MRTFB: variants seen among roughly 807,000 people sequenced by gnomAD.
MRTFB encodes the protein myocardin-related transcription factor B.
A neutral mutation model predicts 104.2 loss-of-function variants in MRTFB; 29 were observed. That is an observed-to-expected ratio of 0.28 (90% confidence interval 0.21 to 0.38). MRTFB has a LOEUF of 0.38. Among genes scored for constraint, MRTFB ranks in the 10% least tolerant of loss-of-function variants. The pLI is 1.00. For missense variants in MRTFB, 1,270 were observed against 1,341.6 expected, an observed-to-expected ratio of 0.95 and a Z score of 0.83; for synonymous variants, 535 against 519.5, an observed-to-expected ratio of 1.03 and a Z score of -0.41.
At chr16:14,160,250 C>T (rs1393208057) in intron 3 of MRTFB, among the ~76,000 whole-genome samples, 1 of 151,910 alleles carries the variant, frequency 6.6e-6, no homozygotes, top group African/African-American at 2.4e-5. Flanking sequence ...TTTTTCATGA[C>T]TTGCCATTTT....
the MRTFB span, among the ~76,000 whole-genome samples, chr16:14,051,737 G>A: frequency 3.4e-3 from 520 of 152,270 alleles, no homozygotes; most frequent in African/African-American, 0.012. Flanking sequence ...GACTTCACAA[G>A]GTTCAGGGGC....
At chr16:14,222,490 ATTC>A (rs1254483797) in intron 8 of MRTFB, among the ~76,000 whole-genome samples, 5 of 151,762 alleles carry the variant, frequency 3.3e-5, no homozygotes, top group Non-Finnish European at 5.9e-5. Flanking sequence ...GCCCAAAACA[ATTC>A]TTCTTCCAGT....
At chr16:14,249,178 C>G in intron 13 of MRTFB, 97 bp downstream of exon 13, 2 of 1,375,448 alleles carry the variant, frequency 1.5e-6, no homozygotes, top group Non-Finnish European at 9.8e-7. Context: ...TGGGAAGTTC[C>G]TGTTCATTCT....
intron 8 of MRTFB, among the ~76,000 whole-genome samples, chr16:14,229,229 G>C (rs1305394058): frequency 6.6e-6 from 1 of 152,086 alleles, no homozygotes; most frequent in East Asian, 1.9e-4. Flanking sequence ...AAAGTGAAAT[G>C]CTTAAACTTA....
chr16:14,010,887 T>C, the MRTFB span, among the ~76,000 whole-genome samples: 4 of 152,260 alleles, frequency 2.6e-5, no homozygotes, highest in African/African-American at 9.6e-5. Flanking sequence ...GTTACCGTAT[T>C]GGATAGCACA....
intron 2 of MRTFB, among the ~76,000 whole-genome samples, chr16:14,080,356 TA>T (rs2141857589): frequency 6.6e-6 from 1 of 152,358 alleles, no homozygotes; most frequent in East Asian, 1.9e-4. Context: ...TTTATTTATT[TA>T]TTTTAAATAG....
the MRTFB span, among the ~76,000 whole-genome samples, chr16:14,022,532 G>A: frequency 6.6e-6 from 1 of 152,208 alleles, no homozygotes; most frequent in African/African-American, 2.4e-5. Context: ...GAGCAGCTGG[G>A]ACTACAGGCG....
chr16:14,209,683 T>C (rs764120258), intron 3 of MRTFB, among the ~76,000 whole-genome samples: 4 of 152,296 alleles, frequency 2.6e-5, no homozygotes, highest in Non-Finnish European at 4.4e-5. Flanking sequence ...TTAGAACTTA[T>C]AGAGTGAGAT....
chr16:14,119,308 G>A (rs2036714742), intron 2 of MRTFB, among the ~76,000 whole-genome samples: 1 of 152,280 alleles, frequency 6.6e-6, no homozygotes, highest in Non-Finnish European at 1.5e-5. Flanking sequence ...TTTGGCAGTT[G>A]GCTGCCTCTG....
chr16:14,259,355 G>C (rs1001500808), intron 16 of MRTFB, among the ~76,000 whole-genome samples: 7 of 152,090 alleles, frequency 4.6e-5, no homozygotes, highest in African/African-American at 1.7e-4. Context: ...ACACAATCAA[G>C]CTATTTTCTA....
chr16:14,187,232 T>C (rs530563178), intron 3 of MRTFB, among the ~76,000 whole-genome samples: 7 of 152,210 alleles, frequency 4.6e-5, no homozygotes, highest in Non-Finnish European at 7.3e-5. Flanking sequence ...CTGATGGAAC[T>C]GTAGGGCTTT....
intron 15 of MRTFB, 124 bp downstream of exon 15, chr16:14,252,626 C>A: frequency 8.5e-7 from 1 of 1,175,964 alleles, no homozygotes; most frequent in Non-Finnish European, 1.1e-6. Flanking sequence ...ACAAAAATAA[C>A]CTTGTATTTT....
the MRTFB span, among the ~76,000 whole-genome samples, chr16:14,011,200 G>A: frequency 6.6e-6 from 1 of 152,244 alleles, no homozygotes; most frequent in Non-Finnish European, 1.5e-5. Context: ...AGATTCTGTG[G>A]TTGTTTAGCC....
At chr16:14,021,389 C>T in the MRTFB span, among the ~76,000 whole-genome samples, 1 of 152,142 alleles carries the variant, frequency 6.6e-6, no homozygotes, top group African/African-American at 2.4e-5. Flanking sequence ...AGGACAAATC[C>T]CTCTCATGCT....
chr16:14,214,137 G>A (rs547100720), intron 6 of MRTFB, among the ~76,000 whole-genome samples: 2 of 152,198 alleles, frequency 1.3e-5, no homozygotes, highest in South Asian at 4.2e-4. Flanking sequence ...CATCACTTAC[G>A]AGGCTGGTAA....
intron 2 of MRTFB, among the ~76,000 whole-genome samples, chr16:14,086,674 A>T (rs1353805212): frequency 6.6e-6 from 1 of 152,176 alleles, no homozygotes; most frequent in Non-Finnish European, 1.5e-5. Context: ...GAATTTGCTT[A>T]TACGGTAGTT....
the MRTFB span, among the ~76,000 whole-genome samples, chr16:14,025,662 T>C: frequency 0.3 from 45,987 of 151,916 alleles, 8,295 homozygotes; most frequent in Admixed American, 0.44. Flanking sequence ...TTTCCTAGAA[T>C]AGGGACATGG....
chr16:14,227,269 C>T (rs762415527), intron 8 of MRTFB, among the ~76,000 whole-genome samples: 14 of 148,292 alleles, frequency 9.4e-5, no homozygotes, highest in Non-Finnish European at 1.8e-4. Flanking sequence ...CCCGTGAGAG[C>T]TTGTTGTTAA....
At chr16:14,115,731 C>T (rs56261007) in intron 2 of MRTFB, among the ~76,000 whole-genome samples, 2,996 of 152,268 alleles carry the variant, frequency 0.02, 53 homozygotes, top group Non-Finnish European at 0.033. Context: ...GATTTTGCTG[C>T]GTATAATTCT....
Sources: allele counts gnomAD v4.1 joint callset (sites outside exome capture counted in the v4.1 genomes callset), GRCh38; gene constraint gnomAD v4.1.1; transcripts MANE v1.5; gene names NCBI Gene and HGNC (gene_info 2026-07-23, HGNC 2026-07-21).